PRKAR1B: variants seen among roughly 807,000 people sequenced by gnomAD.
PRKAR1B encodes the protein protein kinase cAMP-dependent type I regulatory subunit beta, also known as cAMP-dependent protein kinase type I-beta regulatory subunit.
PRKAR1B carries 22 observed loss-of-function variants against 46.5 expected under a neutral mutation model. The ratio of observed to expected loss-of-function variants is 0.47; its 90% CI spans 0.34 to 0.68. PRKAR1B has a LOEUF of 0.68. Ranked by LOEUF, PRKAR1B falls within the 30% of genes least tolerant of loss-of-function variation. The pLI is 0.01. For synonymous variants in PRKAR1B, 259 were observed against 217.7 expected (o/e 1.19, Z -1.67); for missense variants, 445 against 535.6 (o/e 0.83, Z 1.67).
rs11319941 is a variant in PRKAR1B at position 667,641 on chromosome 7, AG to A, written c.440+9587del. Among the ~76,000 whole-genome samples the A allele has an allele frequency of 0.014, 2,163 of 152,322 alleles. 55 individuals carry two copies. Among genetic ancestry groups the A allele is most frequent in the African/African-American group, 0.049 (2,041 of 41,564 alleles). On this transcript the variant is annotated intron_variant, in intron 4 of 10. Coordinates refer to ENST00000537384, the MANE Select transcript of PRKAR1B (RefSeq NM_001164760.2). This position sits in a 1 kb window ranked among gnomAD's most constrained non-coding sequence, Gnocchi z 4.3. ...CTCAATCTTCCTTCACCATGCAGGC[AG>A]GGTAGCGGCAGGTGCAGGTGATGTG...
chr7:623,919 G>C (rs1208546119), intron 4 of PRKAR1B, among the ~76,000 whole-genome samples: 2 of 152,232 alleles, frequency 1.3e-5, no homozygotes, highest in African/African-American at 4.8e-5. Flanking sequence ...CTACCCTGTG[G>C]ATCTAGGGAA....
chr7:651,530 C>T (rs923779766), intron 4 of PRKAR1B, among the ~76,000 whole-genome samples: 7 of 151,822 alleles, frequency 4.6e-5, no homozygotes, highest in Non-Finnish European at 8.8e-5. Flanking sequence ...AGTTCACACC[C>T]GTGCAGCGCT....
intron 4 of PRKAR1B, among the ~76,000 whole-genome samples, chr7:628,322 G>C (rs1043014035): frequency 6.6e-6 from 1 of 152,274 alleles, no homozygotes; most frequent in Non-Finnish European, 1.5e-5. Context: ...CGGGGACGTG[G>C]AGCCAAGGCG....
chr7:719,105 T>C (rs561743034), intron 1 of PRKAR1B, among the ~76,000 whole-genome samples: 11 of 152,160 alleles, frequency 7.2e-5, no homozygotes, highest in Non-Finnish European at 1.5e-4. Context: ...AGTGGCCTGA[T>C]CTCAGCTCCC....
At chr7:683,172 C>G (rs978714079) in intron 2 of PRKAR1B, among the ~76,000 whole-genome samples, 1 of 152,202 alleles carries the variant, frequency 6.6e-6, no homozygotes, top group African/African-American at 2.4e-5. Flanking sequence ...GCTGAGACCA[C>G]GGCTCTGAGA....
chr7:643,520 C>G (rs774303693), intron 4 of PRKAR1B, among the ~76,000 whole-genome samples: 2 of 151,206 alleles, frequency 1.3e-5, no homozygotes, highest in Non-Finnish European at 2.9e-5. Flanking sequence ...GTTGGGAGTT[C>G]GAGACCAGTC....
intron 2 of PRKAR1B, among the ~76,000 whole-genome samples, chr7:705,412 G>A (rs750634340): frequency 1.5e-4 from 22 of 151,664 alleles, no homozygotes; most frequent in Non-Finnish European, 2.6e-4. Flanking sequence ...AAAGGCTGCC[G>A]ATACTGAGGA....
At chr7:612,635 C>T (rs1005890312) in intron 4 of PRKAR1B, among the ~76,000 whole-genome samples, 11 of 152,106 alleles carry the variant, frequency 7.2e-5, no homozygotes, top group African/African-American at 2.4e-4. Context: ...AATGAAAAAA[C>T]GGATGCCTGG....
At chr7:591,287 T>G (rs1006669761) in intron 7 of PRKAR1B, among the ~76,000 whole-genome samples, 2 of 152,212 alleles carry the variant, frequency 1.3e-5, no homozygotes, top group Non-Finnish European at 2.9e-5. Flanking sequence ...CGGTGGGCAC[T>G]GGGACCCCCA....
At chr7:603,730 TCCAGAGTGGAGAGGGTGGGGGAGGA>T (rs1781801799) in intron 6 of PRKAR1B, among the ~76,000 whole-genome samples, 1 of 56,564 alleles carries the variant, frequency 1.8e-5, no homozygotes, top group Non-Finnish European at 3.2e-5. Context: ...GACACCAGGA[TCCAGAGTGGAGAGGGTGGGGGAGGA>T]GGTGACACCA....
At chr7:640,345 A>G (rs1233404581) in intron 4 of PRKAR1B, among the ~76,000 whole-genome samples, 1 of 152,234 alleles carries the variant, frequency 6.6e-6, no homozygotes, top group Non-Finnish European at 1.5e-5. Flanking sequence ...TAATAAGACC[A>G]AGAACTCAAT....
intron 2 of PRKAR1B, among the ~76,000 whole-genome samples, chr7:685,281 T>TAC (rs1778965891): frequency 2.5e-4 from 4 of 16,274 alleles, no homozygotes; most frequent in African/African-American, 6.2e-4. Flanking sequence ...TATATATACG[T>TAC]ATATATATGT....
chr7:578,012 C>T (rs908416682), intron 9 of PRKAR1B, among the ~76,000 whole-genome samples: 3 of 152,244 alleles, frequency 2.0e-5, no homozygotes, highest in African/African-American at 4.8e-5. Flanking sequence ...TCCGGGTCAT[C>T]AGACCACATT....
intron 8 of PRKAR1B, among the ~76,000 whole-genome samples, chr7:583,099 T>TGTCTCGG (rs1780293369): frequency 6.6e-6 from 1 of 151,780 alleles, no homozygotes; most frequent in Non-Finnish European, 1.5e-5. Context: ...GACGGGGCTC[T>TGTCTCGG]GTCTCGGGTG....
chr7:567,473 C>G (rs1295257819), intron 9 of PRKAR1B, among the ~76,000 whole-genome samples: 11 of 150,402 alleles, frequency 7.3e-5, no homozygotes, highest in Admixed American at 7.3e-4. Context: ...TCACCATCAT[C>G]ACCATCACCT....
intron 7 of PRKAR1B, among the ~76,000 whole-genome samples, chr7:586,886 C>CTTT (rs67760235): frequency 5.0e-4 from 65 of 129,306 alleles, no homozygotes; most frequent in African/African-American, 1.6e-3. Flanking sequence ...ATCCCACCTT[C>CTTT]TTTTTTTTTT....
chr7:555,617 G>A (rs1778379902), intron 9 of PRKAR1B, among the ~76,000 whole-genome samples: 1 of 152,180 alleles, frequency 6.6e-6, no homozygotes, highest in African/African-American at 2.4e-5. Context: ...CACTGTCTGG[G>A]CAGCTGCTGC....
At chr7:710,874 C>A (rs988627341) in intron 2 of PRKAR1B, among the ~76,000 whole-genome samples, 4 of 152,142 alleles carry the variant, frequency 2.6e-5, no homozygotes, top group Non-Finnish European at 5.9e-5. Flanking sequence ...GAACTCCTGA[C>A]CTCAAGTGAT....
At chr7:632,851 C>CTACAGG (rs1554296064) in intron 4 of PRKAR1B, among the ~76,000 whole-genome samples, 1 of 151,522 alleles carries the variant, frequency 6.6e-6, no homozygotes, top group African/African-American at 2.4e-5. Context: ...GTGTGCCCAG[C>CTACAGG]CACAGCCTCA....
Sources: allele counts gnomAD v4.1 joint callset (sites outside exome capture counted in the v4.1 genomes callset), GRCh38; gene constraint gnomAD v4.1.1; non-coding constraint Gnocchi (gnomAD v3.1); transcripts MANE v1.5; gene names NCBI Gene and HGNC (gene_info 2026-07-23, HGNC 2026-07-21).